Variants in MCCC1 observed in about 807,000 individuals in gnomAD.
MCCC1 encodes methylcrotonoyl-CoA carboxylase subunit alpha, mitochondrial.
A neutral mutation model predicts 83.8 loss-of-function variants in MCCC1; 64 were observed. The observed-to-expected ratio is 0.76, with a 90% CI of 0.62 to 0.94. The LOEUF (loss-of-function observed/expected upper bound fraction) is 0.94. MCCC1 is among the 40% of genes least tolerant of loss of function. The pLI is 0.00. For synonymous variants in MCCC1, 322 were observed against 315.4 expected, an observed-to-expected ratio of 1.02 and a Z score of -0.22; for missense variants, 807 against 904.7, an observed-to-expected ratio of 0.89 and a Z score of 1.39.
intron 1 of MCCC1, among the ~76,000 whole-genome samples, chr3:183,108,718 C>T (rs1029029112): frequency 1.3e-5 from 2 of 152,140 alleles, no homozygotes; most frequent in African/African-American, 4.8e-5. Context: ...CCCACTGATC[C>T]TGTTTTAGAT....
intron 3 of MCCC1, 47 bp downstream of exon 3, chr3:183,092,362 A>G: frequency 1.2e-6 from 2 of 1,612,980 alleles, no homozygotes; most frequent in Non-Finnish European, 1.7e-6. Context: ...ATACTGACAC[A>G]GTAAACGAAT....
intron 11 of MCCC1, 90 bp from the exon 12 acceptor site, chr3:183,039,225 G>T: frequency 8.4e-7 from 1 of 1,188,254 alleles, no homozygotes; most frequent in Non-Finnish European, 1.2e-6. Context: ...TACATTTCAC[G>T]CTTAATCCTC....
At position 183,099,408 on chromosome 3, in the gene MCCC1, C is replaced by G; in HGVS notation, c.33G>C (p.Leu11=). The G allele has an allele frequency of 6.2e-7, 1 of 1,607,752 alleles. No homozygotes were observed. The highest frequency in any genetic ancestry group is 1.3e-5 in the African/African-American group (1 of 74,894). The stretch of plus-strand genomic sequence containing the variant: ...GCCACCGGTTCCTCTCCGCCGCCAC[C>G]AGCAGCACCGACACCGCAGAGGCCG... The part of the protein sequence containing the change: MAAASAVSVL[L]VAAERNRWHR... The change falls in exon 1 of 19, where the codon CTG becomes CTC. Residue 11 remains leucine, a synonymous_variant. Transcript: ENST00000265594.
At position 183,052,725 on chromosome 3, in the gene MCCC1, G is replaced by A. The variant is rs537214120; in HGVS notation, c.874-485C>T. Among the ~76,000 whole-genome samples the A allele has an allele frequency of 8.0e-5, 12 of 150,026 alleles. No homozygotes were observed. The South Asian group carries it at 2.5e-3, about 32-fold the overall frequency. ...CTCAGGAGGCTGAGGCAGAAGAATG[G>A]CGTGACCCTGGGAGGCGGAGCTTGC... On this transcript the variant is annotated intron_variant, in intron 8 of 18. Coordinates refer to ENST00000265594, the MANE Select transcript of MCCC1 (RefSeq NM_020166.5).
chr3:183,062,554 C>T (rs879552960), intron 7 of MCCC1, among the ~76,000 whole-genome samples: 6 of 151,960 alleles, frequency 3.9e-5, no homozygotes, highest in Non-Finnish European at 7.4e-5. Flanking sequence ...AGGGTTTCAC[C>T]GTGTTGCCCA....
Position 183,098,123 on chromosome 3 carries a change from G to A in MCCC1, c.89+1229C>T, listed in dbSNP as rs189025700. On this transcript the variant is annotated intron_variant, in intron 1 of 18. Coordinates refer to ENST00000265594, the MANE Select transcript of MCCC1 (RefSeq NM_020166.5). ...TTTTGTATTTTTTAGTACAGACGGG[G>A]TTTCACCGTGTTATCCAGGTTGGTC... Among the ~76,000 whole-genome samples the A allele has an allele frequency of 3.3e-5, 5 of 152,244 alleles. No homozygotes were observed. The East Asian group carries it at 9.7e-4, about 30-fold the overall frequency.
At chr3:183,058,579 C>T (rs576518848) in intron 7 of MCCC1, among the ~76,000 whole-genome samples, 5 of 152,262 alleles carry the variant, frequency 3.3e-5, no homozygotes, top group South Asian at 4.1e-4. Context: ...CAGTGAGCTA[C>T]GATTGCGCCA....
chr3:183,051,430 C>G (rs770844658), intron 9 of MCCC1, among the ~76,000 whole-genome samples: 1 of 152,096 alleles, frequency 6.6e-6, no homozygotes, highest in African/African-American at 2.4e-5. Flanking sequence ...AGGCTACATA[C>G]TGTATGATTC....
chr3:183,090,939 C>G, intron 3 of MCCC1: 1 of 455,648 alleles, frequency 2.2e-6, no homozygotes, highest in South Asian at 1.6e-5. Context: ...CACTGACCTT[C>G]GATGGGAAAG....
intron 15 of MCCC1, among the ~76,000 whole-genome samples, chr3:183,023,591 T>A (rs1269228053): frequency 6.6e-6 from 1 of 152,210 alleles, no homozygotes; most frequent in African/African-American, 2.4e-5. Context: ...ATATGAATTA[T>A]AACCCTCATA....
At chr3:183,059,139 T>A (rs1457679501) in intron 7 of MCCC1, among the ~76,000 whole-genome samples, 2 of 152,072 alleles carry the variant, frequency 1.3e-5, no homozygotes, top group African/African-American at 4.8e-5. Flanking sequence ...AAATCCTGTC[T>A]CTACTAAAAA....
chr3:183,083,171 C>G (rs1224018053), intron 4 of MCCC1, among the ~76,000 whole-genome samples: 4 of 152,170 alleles, frequency 2.6e-5, no homozygotes, highest in African/African-American at 9.7e-5. Context: ...TTTCAAATCA[C>G]TATACAAGTG....
chr3:183,110,434 C>T (rs1226798490), intron 1 of MCCC1, among the ~76,000 whole-genome samples: 2 of 149,860 alleles, frequency 1.3e-5, no homozygotes, highest in African/African-American at 4.9e-5. Context: ...CACTCTGTCA[C>T]CCAGGCTGGA....
At chr3:183,030,690 T>A (rs993415919) in intron 14 of MCCC1, among the ~76,000 whole-genome samples, 2 of 152,360 alleles carry the variant, frequency 1.3e-5, no homozygotes, top group Admixed American at 6.5e-5. Flanking sequence ...TTGACCATCA[T>A]GCTCTCCAGC....
intron 4 of MCCC1, among the ~76,000 whole-genome samples, chr3:183,073,987 T>C (rs1341435103): frequency 3.9e-5 from 6 of 152,178 alleles, no homozygotes; most frequent in Non-Finnish European, 7.3e-5. Flanking sequence ...GTGGAGACAC[T>C]GGACAAAGGG....
chr3:183,108,061 C>G (rs950779690), intron 1 of MCCC1, among the ~76,000 whole-genome samples: 5 of 152,182 alleles, frequency 3.3e-5, no homozygotes, highest in African/African-American at 1.2e-4. Flanking sequence ...ACGTTGATCT[C>G]TGTTGTGCAA....
chr3:183,090,802 T>G (rs1460001918), intron 3 of MCCC1: 2 of 321,994 alleles, frequency 6.2e-6, no homozygotes, highest in African/African-American at 4.4e-5. Flanking sequence ...TTGGTCAGGC[T>G]GGTCTCGAAC....
At chr3:183,061,747 A>C (rs1715849706) in intron 7 of MCCC1, among the ~76,000 whole-genome samples, 3 of 152,198 alleles carry the variant, frequency 2.0e-5, no homozygotes. Context: ...CATTTTGTTT[A>C]GCCTTTTTCT....
chr3:183,020,206 G>C lies in MCCC1; in HGVS notation c.1901C>G (p.Pro634Arg). 6.2e-7 allele frequency: 1 copy of C among 1,613,986 alleles called. No homozygotes were observed. Among genetic ancestry groups the C allele is most frequent in the Non-Finnish European group, 8.5e-7 (1 of 1,179,934 alleles). Residue 634 changes from proline to arginine, a missense_variant, in exon 17 of 19, where the codon CCC becomes CGC. Coordinates refer to ENST00000265594, the MANE Select transcript of MCCC1 (RefSeq NM_020166.5). ...EGSIEIDIPV[P>R]KYLSSVSSQE... ...TGAGCTCACAGAAGATAAGTATTTG[G>C]GGACTGGAATGTCAATCTCAATACT...
Sources: allele counts gnomAD v4.1 joint callset (sites outside exome capture counted in the v4.1 genomes callset), GRCh38; gene constraint gnomAD v4.1.1; transcripts MANE v1.5; gene names NCBI Gene and HGNC (gene_info 2026-07-23, HGNC 2026-07-21).